Variants in ADM2 observed in about 807,000 individuals in gnomAD.
ADM2 encodes protein ADM2.
In ADM2, 5 loss-of-function variants were observed where a neutral mutation model predicts 7.1. The observed-to-expected ratio is 0.71, with a 90% CI of 0.37 to 1.49. The LOEUF (loss-of-function observed/expected upper bound fraction) is 1.49. Among genes scored for constraint, ADM2 ranks in the 40% most tolerant of loss-of-function variants. The probability of loss-of-function intolerance (pLI) is 0.03; values close to 1 mark genes in which losing one functional copy is unlikely to be tolerated. For synonymous variants in ADM2, 123 were observed against 92.8 expected, an observed-to-expected ratio of 1.33 and a Z score of -1.87; for missense variants, 236 against 211.2, an observed-to-expected ratio of 1.12 and a Z score of -0.73.
In ADM2 at chr22:50,483,649, C is replaced by CTGAAGGTGGG; in HGVS notation, c.*746_*747insTGAAGGTGGG. The CTGAAGGTGGG allele has an allele frequency of 4.3e-6, 1 of 231,040 alleles. No individual in the cohort carries two copies. The highest frequency in any genetic ancestry group is 8.8e-6 in the Non-Finnish European group (1 of 113,248). 14.3% of individuals were successfully genotyped at this position (231,040 alleles called of 1,614,324 possible). A position where few individuals can be genotyped will look rare whatever the true frequency, so the allele number is the denominator to read the frequency against. On this transcript the variant is annotated 3_prime_UTR_variant, in exon 3 of 3. Coordinates refer to ENST00000395737, the MANE Select transcript of ADM2 (RefSeq NM_001253845.2). ...CTGGGTGGGGCAAGATCCCCCAGCCCGACTAGACCCACCTCACCTGAAGGG... is the reference window on the plus strand; with the variant it reads ...CTGGGTGGGGCAAGATCCCCCAGCCCTGAAGGTGGGGACTAGACCCACCTCACCTGAAGGG...
chr22:50,483,599 C>T lies in ADM2; in HGVS notation c.*696C>T, dbSNP rs1456365666. On this transcript the variant is annotated 3_prime_UTR_variant, in exon 3 of 3. Transcript: ENST00000395737. ...AAACCATTCTGGGACAGGGACACCC[C>T]TTTCTACCCCAGGGCAGGGCAGGGC... 3.4e-6 allele frequency: 1 copy of T among 297,816 alleles called. No homozygotes were observed. The highest frequency in any genetic ancestry group is 2.2e-5 in the African/African-American group (1 of 45,284). The allele number at this position is 297,816 out of a possible 1,614,324, so 18.4% of individuals were successfully genotyped here.
Position 50,481,749 on chromosome 22 carries a change from G to A in ADM2, c.-26G>A, listed in dbSNP as rs1236929179. ...CGCCCACGCCCGGCGCCCCGACCGC[G>A]GAGGACTCCCCGAGGTGCCGGCGGA... On this transcript the variant is annotated 5_prime_UTR_variant, in exon 1 of 3. Coordinates refer to ENST00000395737, the MANE Select transcript of ADM2 (RefSeq NM_001253845.2). 4 of 754,754 alleles carry A rather than the reference G, an allele frequency of 5.3e-6. No individual in the cohort carries two copies. Among genetic ancestry groups the A allele is most frequent in the Non-Finnish European group, 5.7e-6 (3 of 524,086 alleles). The allele number at this position is 754,754 out of a possible 1,614,324, so 46.8% of individuals were successfully genotyped here. A position where few individuals can be genotyped will look rare whatever the true frequency, so the allele number is the denominator to read the frequency against.
At position 50,483,366 on chromosome 22, in the gene ADM2, C is replaced by A. The variant is rs1427613287; in HGVS notation, c.*463C>A. The A allele has an allele frequency of 2.3e-6, 1 of 433,110 alleles. No individual in the cohort carries two copies. Among genetic ancestry groups the A allele is most frequent in the Non-Finnish European group, 4.8e-6 (1 of 209,738 alleles). The allele number at this position is 433,110 out of a possible 1,614,324, so 26.8% of individuals were successfully genotyped here. A position where few individuals can be genotyped will look rare whatever the true frequency, so the allele number is the denominator to read the frequency against. ...CATGCACAACCAGCCCTTCCACGTG[C>A]CTGCCTGTGGGACAGGAGGGGGAGC... On this transcript the variant is annotated 3_prime_UTR_variant, in exon 3 of 3. Transcript: ENST00000395737.
At position 50,483,145 on chromosome 22, in the gene ADM2, T is replaced by G. The variant is rs1386696930; in HGVS notation, c.*242T>G. 5 of 718,672 alleles carry G rather than the reference T, an allele frequency of 7.0e-6. No homozygotes were observed. The East Asian group carries it at 1.4e-4, about 20-fold the overall frequency. The allele number at this position is 718,672 out of a possible 1,614,324, so 44.5% of individuals were successfully genotyped here. On this transcript the variant is annotated 3_prime_UTR_variant, in exon 3 of 3. Transcript: ENST00000395737. Reference sequence around the variant, plus strand: ...CTGGGGGACAGCTGCCAGACACAGCTGGCGGCAGCACCAGATGCTAAGCGC... The same window carrying G: ...CTGGGGGACAGCTGCCAGACACAGCGGGCGGCAGCACCAGATGCTAAGCGC...
In ADM2 at chr22:50,481,906, C is replaced by A; in HGVS notation, c.59C>A (p.Pro20His). ...GCISLLCLQL[P>H]GSLSRSLGGD... ...ATCAGCCTCCTCTGCCTGCAGCTCCCTGGCTCGCTGTCCCGCAGCCTGGGC... is the reference window on the plus strand; with the variant it reads ...ATCAGCCTCCTCTGCCTGCAGCTCCATGGCTCGCTGTCCCGCAGCCTGGGC... Residue 20 changes from proline to histidine, a missense_variant, in exon 2 of 3, where the codon CCT (proline) becomes CAT (histidine). Coordinates refer to ENST00000395737, the MANE Select transcript of ADM2 (RefSeq NM_001253845.2). The A allele has an allele frequency of 6.5e-7, 1 of 1,535,072 alleles. No individual in the cohort carries two copies. Among genetic ancestry groups the A allele is most frequent in the East Asian group, 2.6e-5 (1 of 38,290 alleles).
intron 2 of ADM2, among the ~76,000 whole-genome samples, 166 bp downstream of exon 2, chr22:50,482,123 G>T (rs1249867144): frequency 6.6e-6 from 1 of 152,156 alleles, no homozygotes; most frequent in African/African-American, 2.4e-5. Flanking sequence ...AGGGCCAGAG[G>T]CCCCTCTTTC....
Position 50,483,075 on chromosome 22 carries a change from G to T in ADM2, c.*172G>T. ...GTAAACCTAGGCTGGTCTACACGCA[G>T]TGCTGGTACGTCAAGGAGCCTAAAC... is the stretch of plus-strand genomic sequence containing the variant. On this transcript the variant is annotated 3_prime_UTR_variant, in exon 3 of 3. Coordinates refer to ENST00000395737, the MANE Select transcript of ADM2 (RefSeq NM_001253845.2). 1 of 1,131,400 alleles carries T rather than the reference G, an allele frequency of 8.8e-7. No homozygotes were observed. Among genetic ancestry groups the T allele is most frequent in the South Asian group, 1.3e-5 (1 of 75,286 alleles). The allele number at this position is 1,131,400 out of a possible 1,614,324, so 70.1% of individuals were successfully genotyped here.
At position 50,484,981 on chromosome 22, in the gene ADM2, C is replaced by A. The variant is rs1454431653; in HGVS notation, c.*2078C>A. On this transcript the variant is annotated 3_prime_UTR_variant, in exon 3 of 3. Transcript: ENST00000395737. ...GTTCAGGAGTTCAAGACCAGCCTGG[C>A]CAACATGGTGAAATCCCGTCTCTAC... The A allele has an allele frequency of 6.6e-6, 1 of 152,268 alleles. No homozygotes were observed. The highest frequency in any genetic ancestry group is 1.5e-5 in the Non-Finnish European group (1 of 68,096). 9.4% of individuals were successfully genotyped at this position (152,268 alleles called of 1,614,324 possible).
At chr22:50,481,999 C>G (rs891278116) in intron 2 of ADM2, 42 bp downstream of exon 2, 1 of 1,506,542 alleles carries the variant, frequency 6.6e-7, no homozygotes, top group African/African-American at 1.4e-5. Context: ...CTGGCCCCCG[C>G]AGGGAAGCAG....
rs1430583587 is a variant in ADM2 at position 50,482,562 on chromosome 22, T to C, written c.111-5T>C. ...CTGGTTGACATTCTCCATCTGCCTC[T>C]GCAGGGAGCCCCCAGCCCGGAGCCC... On this transcript the variant is annotated splice_polypyrimidine_tract_variant and splice_region_variant and intron_variant, in intron 2 of 2. Transcript: ENST00000395737. 1.4e-6 allele frequency: 2 copies of C among 1,455,244 alleles called. No individual in the cohort carries two copies. The highest frequency in any genetic ancestry group is 9.1e-7 in the Non-Finnish European group (1 of 1,101,882). 90.1% of individuals were successfully genotyped at this position (1,455,244 alleles called of 1,614,324 possible). A position where few individuals can be genotyped will look rare whatever the true frequency, so the allele number is the denominator to read the frequency against.
At position 50,485,942 on chromosome 22, in the gene ADM2, T is replaced by G. The variant is rs1462573079; in HGVS notation, c.*3039T>G. Reference sequence around the variant, plus strand: ...GACGCCAGCTCTGCCGCGGGCACTTTGTTCTCACGGTGTCCTCCATGCCTG... The same window carrying G: ...GACGCCAGCTCTGCCGCGGGCACTTGGTTCTCACGGTGTCCTCCATGCCTG... On this transcript the variant is annotated 3_prime_UTR_variant, in exon 3 of 3. Transcript: ENST00000395737. The G allele has an allele frequency of 6.6e-6, 1 of 152,420 alleles. No individual in the cohort carries two copies. Among genetic ancestry groups the G allele is most frequent in the African/African-American group, 2.4e-5 (1 of 41,450 alleles). 9.4% of individuals were successfully genotyped at this position (152,420 alleles called of 1,614,324 possible). A position where few individuals can be genotyped will look rare whatever the true frequency, so the allele number is the denominator to read the frequency against.
Position 50,483,107 on chromosome 22 carries a change from A to C in ADM2, c.*204A>C, listed in dbSNP as rs2068219197. ...TACGTCAAGGAGCCTAAACACCCTG[A>C]AATTGTGACCCCCTGGGGGACAGCT... On this transcript the variant is annotated 3_prime_UTR_variant, in exon 3 of 3. Transcript: ENST00000395737. 1 of 900,446 alleles carries C rather than the reference A, an allele frequency of 1.1e-6. No homozygotes were observed. Among genetic ancestry groups the C allele is most frequent in the African/African-American group, 1.6e-5 (1 of 60,926 alleles). 55.8% of individuals were successfully genotyped at this position (900,446 alleles called of 1,614,324 possible).
In ADM2 at chr22:50,483,602, T is replaced by C; in HGVS notation, c.*699T>C. ...CCATTCTGGGACAGGGACACCCCTT[T>C]CTACCCCAGGGCAGGGCAGGGCTGG... On this transcript the variant is annotated 3_prime_UTR_variant, in exon 3 of 3. Coordinates refer to ENST00000395737, the MANE Select transcript of ADM2 (RefSeq NM_001253845.2). 1 of 291,474 alleles carries C rather than the reference T, an allele frequency of 3.4e-6. No individual in the cohort carries two copies. The highest frequency in any genetic ancestry group is 6.8e-6 in the Non-Finnish European group (1 of 146,120). 18.1% of individuals were successfully genotyped at this position (291,474 alleles called of 1,614,324 possible). A position where few individuals can be genotyped will look rare whatever the true frequency, so the allele number is the denominator to read the frequency against.
In ADM2 at chr22:50,481,720, G is replaced by GCCACGC. The variant is rs1219735652; in HGVS notation, c.-46_-41dup. 7.9e-6 allele frequency: 4 copies of GCCACGC among 504,802 alleles called. No individual in the cohort carries two copies. Among genetic ancestry groups the GCCACGC allele is most frequent in the African/African-American group, 2.1e-5 (1 of 48,550 alleles). The allele number at this position is 504,802 out of a possible 1,614,324, so 31.3% of individuals were successfully genotyped here. A position where few individuals can be genotyped will look rare whatever the true frequency, so the allele number is the denominator to read the frequency against. On this transcript the variant is annotated 5_prime_UTR_variant, in exon 1 of 3. Transcript: ENST00000395737. The stretch of plus-strand genomic sequence containing the variant: ...CCCGACGGACGCCCGTGCCCAGCTT[G>GCCACGC]CCACGCCCACGCCCGGCGCCCCGAC...
Position 50,483,103 on chromosome 22 carries a change from C to T in ADM2, c.*200C>T. ...CTGGTACGTCAAGGAGCCTAAACACCCTGAAATTGTGACCCCCTGGGGGAC... is the reference window on the plus strand; with the variant it reads ...CTGGTACGTCAAGGAGCCTAAACACTCTGAAATTGTGACCCCCTGGGGGAC... On this transcript the variant is annotated 3_prime_UTR_variant, in exon 3 of 3. Transcript: ENST00000395737. 2.1e-6 allele frequency: 2 copies of T among 940,612 alleles called. No homozygotes were observed. The highest frequency in any genetic ancestry group is 3.3e-6 in the Non-Finnish European group (2 of 604,262). 58.3% of individuals were successfully genotyped at this position (940,612 alleles called of 1,614,324 possible). A position where few individuals can be genotyped will look rare whatever the true frequency, so the allele number is the denominator to read the frequency against.
In ADM2 at chr22:50,481,729, ACGCCCG is replaced by A; in HGVS notation, c.-45_-40del. ...CGCCCGTGCCCAGCTTGCCACGCCCACGCCCGGCGCCCCGACCGCGGAGGACTCCCC... is the reference window on the plus strand; with the variant it reads ...CGCCCGTGCCCAGCTTGCCACGCCCAGCGCCCCGACCGCGGAGGACTCCCC... On this transcript the variant is annotated 5_prime_UTR_variant, in exon 1 of 3. Coordinates refer to ENST00000395737, the MANE Select transcript of ADM2 (RefSeq NM_001253845.2). 1 of 566,500 alleles carries A rather than the reference ACGCCCG, an allele frequency of 1.8e-6. No homozygotes were observed. The highest frequency in any genetic ancestry group is 2.7e-6 in the Non-Finnish European group (1 of 366,772). 35.1% of individuals were successfully genotyped at this position (566,500 alleles called of 1,614,324 possible).
chr22:50,483,345 C>A lies in ADM2; in HGVS notation c.*442C>A. Reference sequence around the variant, plus strand: ...TGCCTGGGCTGTTCCTGCTCTCATGCACAACCAGCCCTTCCACGTGCCTGC... The same window carrying A: ...TGCCTGGGCTGTTCCTGCTCTCATGAACAACCAGCCCTTCCACGTGCCTGC... On this transcript the variant is annotated 3_prime_UTR_variant, in exon 3 of 3. Transcript: ENST00000395737. 1 of 442,352 alleles carries A rather than the reference C, an allele frequency of 2.3e-6. No homozygotes were observed. Among genetic ancestry groups the A allele is most frequent in the Non-Finnish European group, 4.6e-6 (1 of 215,262 alleles). The allele number at this position is 442,352 out of a possible 1,614,324, so 27.4% of individuals were successfully genotyped here.
At chr22:50,482,210 G>C (rs755385008) in intron 2 of ADM2, among the ~76,000 whole-genome samples, 2 of 152,194 alleles carry the variant, frequency 1.3e-5, no homozygotes, top group Non-Finnish European at 2.9e-5. Context: ...GGTGTCTGCT[G>C]GGGGAGGGGA....
In ADM2 at chr22:50,484,745, C is replaced by T. The variant is rs926918153; in HGVS notation, c.*1842C>T. On this transcript the variant is annotated 3_prime_UTR_variant, in exon 3 of 3. Coordinates refer to ENST00000395737, the MANE Select transcript of ADM2 (RefSeq NM_001253845.2). Reference sequence around the variant, plus strand: ...CCTCCTCCAGGAAAGCCTTTACCCTCCTCATGCCCTGTAGTCAGGAGGCCG... The same window carrying T: ...CCTCCTCCAGGAAAGCCTTTACCCTTCTCATGCCCTGTAGTCAGGAGGCCG... 2.0e-5 allele frequency: 3 copies of T among 152,360 alleles called. No homozygotes were observed. The highest frequency in any genetic ancestry group is 1.3e-4 in the Admixed American group (2 of 15,284). 9.4% of individuals were successfully genotyped at this position (152,360 alleles called of 1,614,324 possible).
Sources: gnomAD v4.1 joint callset for allele counts (sites outside exome capture counted in the v4.1 genomes callset) on GRCh38, gnomAD v4.1.1 for gene constraint, MANE v1.5 for transcripts, NCBI Gene and HGNC (gene_info 2026-07-23, HGNC 2026-07-21) for gene names.